Variants in ADGRA3 observed in about 807,000 individuals in gnomAD.
ADGRA3 encodes G-protein coupled receptor 125.
Under a neutral mutation model 119.8 loss-of-function variants are expected in ADGRA3, and 56 were observed. The ratio of observed to expected loss-of-function variants is 0.47; its 90% confidence interval spans 0.38 to 0.58. The LOEUF (loss-of-function observed/expected upper bound fraction) is 0.58, where lower values mean the gene tolerates loss of function less well. Among genes scored for constraint, ADGRA3 ranks in the 20% least tolerant of loss-of-function variants. The pLI is 0.00. For synonymous variants in ADGRA3, 607 were observed against 623.8 expected (o/e 0.97, Z 0.40); for missense variants, 1,516 against 1,649.0 (o/e 0.92, Z 1.40).
chr4:22,484,039 A>G (rs547347746), intron 1 of ADGRA3, among the ~76,000 whole-genome samples: 15 of 152,302 alleles, frequency 9.8e-5, no homozygotes, highest in African/African-American at 3.4e-4. Flanking sequence ...AAAACCTAAC[A>G]CAGGCATCCA....
At chr4:22,462,761 C>T (rs1261750706) in intron 2 of ADGRA3, among the ~76,000 whole-genome samples, 1 of 152,206 alleles carries the variant, frequency 6.6e-6, no homozygotes, top group African/African-American at 2.4e-5. Flanking sequence ...AGTATGCTGG[C>T]ACGTCCATGC....
chr4:22,444,974 G>A lies in ADGRA3; in HGVS notation c.705C>T (p.Cys235=), dbSNP rs769411944. ...TCTCAGTTTGGATTTCTCCCTTACC[G>A]CATGTCAACAGCTCCTGCTTCACGC... ...VTGVKQELLT[C]DPPLELPSFY... Residue 235 remains cysteine, a splice_region_variant and synonymous_variant, in exon 6 of 19, where the codon TGC becomes TGT. Coordinates refer to ENST00000334304, the MANE Select transcript of ADGRA3 (RefSeq NM_145290.4). 29 of 1,612,454 alleles carry A rather than the reference G, an allele frequency of 1.8e-5. No individual in the cohort carries two copies. The highest frequency in any genetic ancestry group is 1.7e-4 in the Admixed American group (10 of 59,952).
intron 1 of ADGRA3, among the ~76,000 whole-genome samples, chr4:22,490,229 T>C (rs2109147561): frequency 1.4e-5 from 2 of 146,970 alleles, no homozygotes; most frequent in Middle Eastern, 6.8e-3. Flanking sequence ...TAGATATCTT[T>C]CAAAAATGCC....
At chr4:22,489,851 A>C (rs533254855) in intron 1 of ADGRA3, among the ~76,000 whole-genome samples, 12 of 152,352 alleles carry the variant, frequency 7.9e-5, no homozygotes, top group African/African-American at 2.9e-4. Context: ...CAGCAAGTCA[A>C]ACATATCAAC....
chr4:22,419,465 T>C (rs1715561535), intron 12 of ADGRA3, among the ~76,000 whole-genome samples: 1 of 152,176 alleles, frequency 6.6e-6, no homozygotes, highest in Non-Finnish European at 1.5e-5. Context: ...TAATGTGTCC[T>C]TGCTCTCTGG....
At chr4:22,513,723 G>A (rs1719533639) in intron 1 of ADGRA3, among the ~76,000 whole-genome samples, 2 of 151,260 alleles carry the variant, frequency 1.3e-5, no homozygotes, top group Non-Finnish European at 2.9e-5. Context: ...AGTTGGCCAG[G>A]CTGGTCTTGA....
At chr4:22,402,869 G>A in intron 14 of ADGRA3, 70 bp from the exon 15 acceptor site, 2 of 1,490,976 alleles carry the variant, frequency 1.3e-6, no homozygotes, top group Non-Finnish European at 1.8e-6. Flanking sequence ...ATTTTTTTGA[G>A]TGACGAAAAC....
At chr4:22,433,223 A>G (rs1240687390) in intron 10 of ADGRA3, among the ~76,000 whole-genome samples, 1 of 152,202 alleles carries the variant, frequency 6.6e-6, no homozygotes, top group African/African-American at 2.4e-5. Flanking sequence ...TTTCCGTCCT[A>G]TGTTAACCAG....
chr4:22,396,292 AAT>A (rs1445703208), intron 16 of ADGRA3, among the ~76,000 whole-genome samples: 5 of 152,188 alleles, frequency 3.3e-5, no homozygotes, highest in Admixed American at 1.3e-4. Context: ...TAGCACCTTT[AAT>A]AACTTCAAGC....
intron 11 of ADGRA3, among the ~76,000 whole-genome samples, chr4:22,422,160 G>A (rs919315130): frequency 2.0e-5 from 3 of 152,056 alleles, no homozygotes; most frequent in African/African-American, 4.8e-5. Context: ...AAATTCTAGG[G>A]ACAACATGGC....
chr4:22,392,963 C>A (rs1161770032), intron 16 of ADGRA3: 1 of 307,578 alleles, frequency 3.3e-6, no homozygotes, highest in East Asian at 5.7e-5. Context: ...ACAGAACTGG[C>A]TCCCAGACAT....
intron 14 of ADGRA3, among the ~76,000 whole-genome samples, chr4:22,410,936 A>AT (rs559384192): frequency 6.6e-6 from 1 of 152,182 alleles, no homozygotes; most frequent in South Asian, 2.1e-4. Context: ...TGTGTATTAC[A>AT]TTTTTTTAAG....
At chr4:22,436,395 A>G in intron 9 of ADGRA3, 45 bp downstream of exon 9, 1 of 1,493,964 alleles carries the variant, frequency 6.7e-7, no homozygotes, top group Non-Finnish European at 9.3e-7. Flanking sequence ...TTTGAATACC[A>G]TGTTTTCTCC....
chr4:22,494,048 C>CA (rs1299022176), intron 1 of ADGRA3, among the ~76,000 whole-genome samples: 1 of 151,622 alleles, frequency 6.6e-6, no homozygotes, highest in South Asian at 2.1e-4. Context: ...ACTAAAAATA[C>CA]AAAAAAATTA....
At chr4:22,390,384 CGT>C (rs1714080012) in intron 17 of ADGRA3, among the ~76,000 whole-genome samples, 3 of 23,380 alleles carry the variant, frequency 1.3e-4, no homozygotes, top group Admixed American at 4.9e-4. Context: ...ATATATAATA[CGT>C]ATTATATATA....
intron 1 of ADGRA3, among the ~76,000 whole-genome samples, chr4:22,499,264 A>G (rs1718965200): frequency 6.6e-6 from 1 of 152,232 alleles, no homozygotes; most frequent in Non-Finnish European, 1.5e-5. Flanking sequence ...CAATGTTGTT[A>G]GGTTTGGTTT....
intron 12 of ADGRA3, 36 bp from the exon 13 acceptor site, chr4:22,413,850 C>T (rs1049653531): frequency 7.2e-7 from 1 of 1,393,370 alleles, no homozygotes; most frequent in Non-Finnish European, 9.8e-7. Context: ...AAGCTCACTA[C>T]ATTAGTACAT....
chr4:22,482,595 G>C (rs1226907250), intron 1 of ADGRA3, among the ~76,000 whole-genome samples: 1 of 152,072 alleles, frequency 6.6e-6, no homozygotes, highest in Non-Finnish European at 1.5e-5. Context: ...AGCCCAGGGG[G>C]TTGAGGCTGC....
intron 12 of ADGRA3, among the ~76,000 whole-genome samples, chr4:22,419,507 A>G (rs1471028954): frequency 6.6e-6 from 1 of 152,154 alleles, no homozygotes; most frequent in African/African-American, 2.4e-5. Context: ...ATAGAATGGC[A>G]TGAAATTGAC....
Sources: allele counts gnomAD v4.1 joint callset (sites outside exome capture counted in the v4.1 genomes callset), GRCh38; gene constraint gnomAD v4.1.1; transcripts MANE v1.5; gene names NCBI Gene and HGNC (gene_info 2026-07-23, HGNC 2026-07-21).